The following LRCH1 variants were observed in gnomAD, a reference collection of about 807,000 sequenced individuals.
The protein encoded by LRCH1 is leucine rich repeats and calponin homology domain containing 1.
A neutral mutation model predicts 94.9 loss-of-function variants in LRCH1; 23 were observed. The ratio of observed to expected loss-of-function variants is 0.24; its 90% CI spans 0.17 to 0.34. LRCH1 has a LOEUF of 0.34. Among genes scored for constraint, LRCH1 ranks in the 10% least tolerant of loss-of-function variants. The pLI is 1.00. For missense variants in LRCH1, 790 were observed against 945.9 expected (o/e 0.84, Z 2.16); for synonymous variants, 364 against 354.9 (o/e 1.03, Z -0.29).
At chr13:46,597,395 C>T (rs906353717) in intron 1 of LRCH1, among the ~76,000 whole-genome samples, 2 of 151,652 alleles carry the variant, frequency 1.3e-5, no homozygotes, top group African/African-American at 4.8e-5. Context: ...TTACTCTTGT[C>T]GCCCAGGCTG....
chr13:46,665,400 A>G (rs1323105269), intron 2 of LRCH1, among the ~76,000 whole-genome samples: 1 of 152,250 alleles, frequency 6.6e-6, no homozygotes, highest in Non-Finnish European at 1.5e-5. Flanking sequence ...TAAGTGAGGG[A>G]TAGTGGTACT....
chr13:46,750,602 C>T, exon 19 of LRCH1: 2 of 1,552,016 alleles, frequency 1.3e-6, no homozygotes, highest in Non-Finnish European at 1.7e-6. Context: ...TGGGCATTAC[C>T]ATTCAAGCAT....
At chr13:46,723,178 A>G in intron 16 of LRCH1, 43 bp from the exon 17 acceptor site, 1 of 1,101,144 alleles carries the variant, frequency 9.1e-7, no homozygotes. Context: ...GCCCTATGTG[A>G]CAAGGCACTA....
At chr13:46,613,315 G>C (rs1443945179) in intron 1 of LRCH1, among the ~76,000 whole-genome samples, 1 of 151,824 alleles carries the variant, frequency 6.6e-6, no homozygotes, top group Non-Finnish European at 1.5e-5. Context: ...GCTTGAACCA[G>C]GGAGTCAGAG....
At chr13:46,695,983 G>A (rs886270373) in intron 9 of LRCH1, among the ~76,000 whole-genome samples, 1 of 152,180 alleles carries the variant, frequency 6.6e-6, no homozygotes, top group African/African-American at 2.4e-5. Flanking sequence ...ATAAAACACA[G>A]TCTTAACTCT....
chr13:46,661,940 G>A (rs1038660626), intron 2 of LRCH1, among the ~76,000 whole-genome samples: 3 of 152,210 alleles, frequency 2.0e-5, no homozygotes, highest in East Asian at 1.9e-4. Flanking sequence ...TTGGCCAGGC[G>A]CCGTGGCTCA....
chr13:46,715,828 A>T (rs927029805), intron 16 of LRCH1, among the ~76,000 whole-genome samples, 164 bp downstream of exon 16: 6 of 152,108 alleles, frequency 3.9e-5, no homozygotes, highest in Non-Finnish European at 5.9e-5. Flanking sequence ...GTGCACGTGG[A>T]TTGTTCTCTA....
intron 19 of LRCH1, among the ~76,000 whole-genome samples, chr13:46,738,833 T>G (rs560385001): frequency 6.6e-6 from 1 of 152,354 alleles, no homozygotes; most frequent in East Asian, 1.9e-4. Flanking sequence ...CTATAAAGAA[T>G]GCAACTAATT....
chr13:46,745,466 G>T (rs7330026), downstream of LRCH1, among the ~76,000 whole-genome samples: 3,910 of 152,074 alleles, frequency 0.026, 174 homozygotes, highest in African/African-American at 0.089. Flanking sequence ...CTTAGCAAAC[G>T]TTCAGGAATA....
chr13:46,743,032 A>G lies in LRCH1; in HGVS notation c.*1184A>G, dbSNP rs1047644169. 8 of 985,288 alleles carry G rather than the reference A, an allele frequency of 8.1e-6. No homozygotes were observed. Among genetic ancestry groups the G allele is most frequent in the Non-Finnish European group, 9.6e-6 (8 of 829,908 alleles). 61.0% of individuals were successfully genotyped at this position (985,288 alleles called of 1,614,324 possible). A position where few individuals can be genotyped will look rare whatever the true frequency, so the allele number is the denominator to read the frequency against. The stretch of plus-strand genomic sequence containing the variant: ...TTTATCTTAGCCAGAATGTCCCTGG[A>G]TTCAGGGGTGTCTTTGTATAATATG... On this transcript the variant is annotated 3_prime_UTR_variant, in exon 20 of 20. Coordinates refer to ENST00000389797, the MANE Select transcript of LRCH1 (RefSeq NM_001164211.2).
intron 2 of LRCH1, among the ~76,000 whole-genome samples, chr13:46,662,174 A>T (rs1488065877): frequency 1.3e-5 from 2 of 152,198 alleles, no homozygotes; most frequent in African/African-American, 4.8e-5. Context: ...ATGGAAGAGA[A>T]GCAAAGTAGG....
chr13:46,631,954 C>T (rs919981779), intron 1 of LRCH1, among the ~76,000 whole-genome samples: 1 of 152,160 alleles, frequency 6.6e-6, no homozygotes, highest in African/African-American at 2.4e-5. Flanking sequence ...GTAATTCCAG[C>T]ACTTTGGGAG....
At chr13:46,673,822 C>T (rs1460357961) in intron 3 of LRCH1, among the ~76,000 whole-genome samples, 1 of 139,302 alleles carries the variant, frequency 7.2e-6, no homozygotes, top group Non-Finnish European at 1.6e-5. Context: ...CGGCTGTCGC[C>T]GAGGCTAGAG....
chr13:46,729,898 G>A (rs1209211706), intron 18 of LRCH1, among the ~76,000 whole-genome samples: 1 of 152,172 alleles, frequency 6.6e-6, no homozygotes, highest in Admixed American at 6.5e-5. Flanking sequence ...GACGTAGTGG[G>A]GAGGAGAACA....
At chr13:46,581,647 A>G (rs1406484243) in intron 1 of LRCH1, among the ~76,000 whole-genome samples, 1 of 152,226 alleles carries the variant, frequency 6.6e-6, no homozygotes, top group Non-Finnish European at 1.5e-5. Flanking sequence ...CTGTTGAGAA[A>G]TGGACCTATC....
intron 1 of LRCH1, among the ~76,000 whole-genome samples, chr13:46,613,860 A>G (rs2050774784): frequency 6.6e-6 from 1 of 152,194 alleles, no homozygotes. Context: ...GGCCTGATCC[A>G]AACACCTTCT....
chr13:46,589,176 A>G (rs1388520334), intron 1 of LRCH1, among the ~76,000 whole-genome samples: 1 of 151,824 alleles, frequency 6.6e-6, no homozygotes, highest in African/African-American at 2.4e-5. Flanking sequence ...AGCTGGAACT[A>G]TAGGCACATG....
chr13:46,703,818 G>A (rs1392949876), intron 11 of LRCH1, among the ~76,000 whole-genome samples: 1 of 151,942 alleles, frequency 6.6e-6, no homozygotes, highest in African/African-American at 2.4e-5. Context: ...ATAGAATTAG[G>A]TACCAATTGT....
chr13:46,727,533 C>A (rs1200610566), intron 17 of LRCH1, among the ~76,000 whole-genome samples: 1 of 152,204 alleles, frequency 6.6e-6, no homozygotes, highest in Non-Finnish European at 1.5e-5. Flanking sequence ...GACGGAGTCT[C>A]GCTTTATCAT....
Sources: allele counts gnomAD v4.1 joint callset (sites outside exome capture counted in the v4.1 genomes callset), GRCh38; gene constraint gnomAD v4.1.1; transcripts MANE v1.5; gene names NCBI Gene and HGNC (gene_info 2026-07-23, HGNC 2026-07-21).